RPS6KA3: variants seen among roughly 807,000 people sequenced by gnomAD.
RPS6KA3 encodes ribosomal protein S6 kinase A3.
A neutral mutation model predicts 67.2 loss-of-function variants in RPS6KA3; 4 were observed. The ratio of observed to expected loss-of-function variants is 0.06; its 90% CI spans 0.03 to 0.14. RPS6KA3 has a LOEUF of 0.14. RPS6KA3 is among the 10% of genes least tolerant of loss of function. RPS6KA3 has a pLI of 1.00. For missense variants in RPS6KA3, 204 were observed against 559.0 expected (o/e 0.36, Z 6.40); for synonymous variants, 182 against 183.7 (o/e 0.99, Z 0.07).
chrX:20,201,298 T>C (rs1603427253), intron 4 of RPS6KA3, among the ~76,000 whole-genome samples: 1 of 110,441 alleles, frequency 9.1e-6, no homozygotes, highest in African/African-American at 3.3e-5. Flanking sequence ...ACTACAACCA[T>C]CTGATTTTAT....
At chrX:20,166,878 C>A (rs377335264) in intron 17 of RPS6KA3, among the ~76,000 whole-genome samples, 2 of 110,322 alleles carry the variant, frequency 1.8e-5, no homozygotes, top group Non-Finnish European at 3.8e-5. Flanking sequence ...CCATGACGCC[C>A]GGCTAATTTT....
rs767179626 is a variant in RPS6KA3, at chrX:20,175,298, G to A, written c.1103-10C>T. On this transcript the variant is annotated splice_polypyrimidine_tract_variant and intron_variant, in intron 13 of 21. Coordinates refer to ENST00000379565, the MANE Select transcript of RPS6KA3 (RefSeq NM_004586.3). Reference sequence around the variant, plus strand: ...GGAATGCCAGGTGAATCTGAAAAGAGTAAGAAGTGACAAAGAAGATTCATT... The same window carrying A: ...GGAATGCCAGGTGAATCTGAAAAGAATAAGAAGTGACAAAGAAGATTCATT... 1.2e-5 allele frequency: 15 copies of A among 1,208,240 alleles called. No homozygotes were observed. In the South Asian group the frequency reaches 2.6e-4, roughly 21 times the overall value.
At chrX:20,241,119 A>G (rs967321105) in intron 1 of RPS6KA3, among the ~76,000 whole-genome samples, 4 of 110,173 alleles carry the variant, frequency 3.6e-5, no homozygotes, top group Admixed American at 2.9e-4. Flanking sequence ...ACATTGTTCT[A>G]TTTTCTAGAT....
In RPS6KA3 at chrX:20,176,314, A is replaced by G; in HGVS notation, c.1038T>C (p.Pro346=). ...YRREIHPPFK[P]ATGRPEDTFY... ...ATGTATCTTCAGGCCTGCCCGTTGC[A>G]GGTTTAAATGGCGGATGAATTTCTC... is the stretch of plus-strand genomic sequence containing the variant. The change falls in exon 13 of 22, where the codon CCT becomes CCC. Residue 346 remains proline, a synonymous_variant. Transcript: ENST00000379565. 4.2e-6 allele frequency: 5 copies of G among 1,201,009 alleles called. No individual in the cohort carries two copies. Among genetic ancestry groups the G allele is most frequent in the Non-Finnish European group, 5.6e-6 (5 of 885,927 alleles).
intron 10 of RPS6KA3, among the ~76,000 whole-genome samples, chrX:20,182,081 C>T (rs2067856237): frequency 9.0e-6 from 1 of 110,902 alleles, no homozygotes; most frequent in Admixed American, 9.7e-5. Flanking sequence ...ATATAAAATG[C>T]CCCAAAAAAC....
rs1172917638 is a variant in RPS6KA3 at position 20,153,772 on chromosome X, A to AC, written c.*1625dup. 2 of 110,697 alleles carry AC rather than the reference A, an allele frequency of 1.8e-5. No homozygotes were observed. The highest frequency in any genetic ancestry group is 6.6e-5 in the African/African-American group (2 of 30,366). 9.1% of individuals were successfully genotyped at this position (110,697 alleles called of 1,213,427 possible). A position where few individuals can be genotyped will look rare whatever the true frequency, so the allele number is the denominator to read the frequency against. ...GTAGCTAGGATTACAGGTGCACGCCACCATGCCCAGCTAATTTTTGTATTT... is the reference window on the plus strand; with the variant it reads ...GTAGCTAGGATTACAGGTGCACGCCACCCATGCCCAGCTAATTTTTGTATTT... On this transcript the variant is annotated 3_prime_UTR_variant, in exon 22 of 22. Transcript: ENST00000379565.
At chrX:20,203,264 T>C (rs1308674448) in intron 4 of RPS6KA3, 6 of 48,583 alleles carry the variant, frequency 1.2e-4, no homozygotes, top group African/African-American at 3.3e-4. Flanking sequence ...TCTTAACTAC[T>C]TTTTTTTTTT....
intron 7 of RPS6KA3, among the ~76,000 whole-genome samples, chrX:20,189,158 C>T (rs939594130): frequency 3.6e-5 from 4 of 111,162 alleles, no homozygotes; most frequent in Admixed American, 9.6e-5. Context: ...CTACACAATC[C>T]TCTTCTCCTT....
At chrX:20,267,093 G>T, upstream of RPS6KA3, 1 of 755,156 alleles carries the variant, frequency 1.3e-6, no homozygotes. Context: ...GCACCCAGGG[G>T]CTGGGCTAGT....
At chrX:20,162,787 T>C (rs1054765232) in intron 19 of RPS6KA3, among the ~76,000 whole-genome samples, 177 bp downstream of exon 19, 2 of 111,341 alleles carry the variant, frequency 1.8e-5, no homozygotes, top group Non-Finnish European at 3.8e-5. Context: ...TTTGGGGCTA[T>C]AGTGAACTAT....
chrX:20,214,658 A>G (rs2068799978), intron 2 of RPS6KA3, among the ~76,000 whole-genome samples: 1 of 111,021 alleles, frequency 9.0e-6, no homozygotes, highest in African/African-American at 3.3e-5. Context: ...TTTATAATCT[A>G]AAGACCTGAA....
chrX:20,261,292 G>C lies in RPS6KA3; in HGVS notation c.69+5272C>G, dbSNP rs973048494. ...ACAATGTTTTATATATTTCAGAATA[G>C]TTAAAAGAGAGGATTTGAAATGTTC... On this transcript the variant is annotated intron_variant, in intron 1 of 21. Coordinates refer to ENST00000379565, the MANE Select transcript of RPS6KA3 (RefSeq NM_004586.3). Among the ~76,000 whole-genome samples the C allele has an allele frequency of 2.7e-5, 3 of 111,992 alleles. No individual in the cohort carries two copies. The East Asian group carries it at 8.3e-4, about 31-fold the overall frequency.
chrX:20,174,557 C>A (rs2067652540), intron 14 of RPS6KA3, among the ~76,000 whole-genome samples: 2 of 108,476 alleles, frequency 1.8e-5, no homozygotes, highest in East Asian at 2.9e-4. Flanking sequence ...CTGTGTTGGA[C>A]AGGCTGGTCT....
intron 1 of RPS6KA3, among the ~76,000 whole-genome samples, chrX:20,249,285 A>C (rs1263565960): frequency 8.9e-6 from 1 of 112,168 alleles, no homozygotes; most frequent in Non-Finnish European, 1.9e-5. Context: ...CTGTGCACAG[A>C]CTTTTATGTG....
chrX:20,225,907 C>A (rs963545057), intron 2 of RPS6KA3, among the ~76,000 whole-genome samples: 1 of 111,806 alleles, frequency 8.9e-6, no homozygotes, highest in Non-Finnish European at 1.9e-5. Context: ...GAAGTGGGGC[C>A]GAGTATGGTG....
chrX:20,231,781 A>C (rs145230012), intron 2 of RPS6KA3, among the ~76,000 whole-genome samples: 18 of 111,646 alleles, frequency 1.6e-4, no homozygotes, highest in Admixed American at 3.8e-4. Flanking sequence ...ACACAGACAC[A>C]AACAGAGAGA....
chrX:20,190,535 T>C (rs1350283787), intron 7 of RPS6KA3, among the ~76,000 whole-genome samples: 1 of 112,080 alleles, frequency 8.9e-6, no homozygotes, highest in African/African-American at 3.2e-5. Context: ...CAATGGTCTA[T>C]GGTAAATATA....
chrX:20,163,072 C>T, intron 18 of RPS6KA3, 32 bp from the exon 19 acceptor site: 2 of 887,470 alleles, frequency 2.3e-6, no homozygotes, highest in Non-Finnish European at 1.7e-6. Context: ...TATTACTATA[C>T]CACCATTTTG....
At chrX:20,254,234 A>G (rs114749049) in intron 1 of RPS6KA3, among the ~76,000 whole-genome samples, 3,500 of 112,173 alleles carry the variant, frequency 0.031, 129 homozygotes, top group African/African-American at 0.1. Context: ...GATTCTAGGC[A>G]TATTATCTTC....
Sources: gnomAD v4.1 joint callset for allele counts (sites outside exome capture counted in the v4.1 genomes callset) on GRCh38, gnomAD v4.1.1 for gene constraint, MANE v1.5 for transcripts, NCBI Gene and HGNC (gene_info 2026-07-23, HGNC 2026-07-21) for gene names.